The following CADPS variants were observed in gnomAD, a reference collection of about 807,000 sequenced individuals.
The protein encoded by CADPS is calcium-dependent secretion activator 1.
In CADPS, 57 loss-of-function variants were observed where a neutral mutation model predicts 167.3. The observed-to-expected ratio is 0.34, with a 90% CI of 0.28 to 0.42. The LOEUF (loss-of-function observed/expected upper bound fraction) is 0.42. Among genes scored for constraint, CADPS ranks in the 20% least tolerant of loss-of-function variants. The pLI is 1.00. For missense variants in CADPS, 1,414 were observed against 1,738.1 expected, an observed-to-expected ratio of 0.81 and a Z score of 3.32; for synonymous variants, 676 against 635.3, an observed-to-expected ratio of 1.06 and a Z score of -0.96.
intron 17 of CADPS, among the ~76,000 whole-genome samples, chr3:62,504,203 A>T (rs1013414340): frequency 6.6e-6 from 1 of 152,198 alleles, no homozygotes; most frequent in Non-Finnish European, 1.5e-5. Context: ...TTTGGGAAAA[A>T]AATGTGTGTA....
At chr3:62,822,565 G>A (rs1388453154) in intron 1 of CADPS, among the ~76,000 whole-genome samples, 3 of 152,252 alleles carry the variant, frequency 2.0e-5, no homozygotes, top group Admixed American at 2.0e-4. Flanking sequence ...AGGTCAGCCA[G>A]GCATAGTGGC....
rs908193962 is a variant in CADPS, at chr3:62,679,651, G to A, written c.889-17257C>T. ...AGATTGCACTCACCAGCCCAACTAA[G>A]TAAAATGAACTTTGCCTTTCCCCGT... On this transcript the variant is annotated intron_variant, in intron 3 of 29. Transcript: ENST00000383710. 1.1e-4 allele frequency among the ~76,000 whole-genome samples: 16 copies of A among 152,036 alleles called. 1 individual carries two copies. Among genetic ancestry groups the A allele is most frequent in the African/African-American group, 3.9e-4 (16 of 41,382 alleles).
chr3:62,457,263 A>C (rs569123589), intron 26 of CADPS, among the ~76,000 whole-genome samples: 2 of 152,316 alleles, frequency 1.3e-5, no homozygotes, highest in South Asian at 4.1e-4. Context: ...CCCATTTTAC[A>C]GATTAGGCAA....
Position 62,748,344 on chromosome 3 carries a change from C to CAAAAAAAAAAAAAAAAAAAAA in CADPS, c.888+5076_888+5096dup, listed in dbSNP as rs60942307. ...CTGGGCGAGAAGCGAGACTCCGTCT[C>CAAAAAAAAAAAAAAAAAAAAA]AAAAAAAAAAAAAAAAAAAAAAAAA... On this transcript the variant is annotated intron_variant, in intron 3 of 29. Transcript: ENST00000383710. Among the ~76,000 whole-genome samples the CAAAAAAAAAAAAAAAAAAAAA allele has an allele frequency of 3.9e-4, 19 of 48,494 alleles. 2 individuals are homozygous for CAAAAAAAAAAAAAAAAAAAAA. Among genetic ancestry groups the CAAAAAAAAAAAAAAAAAAAAA allele is most frequent in the African/African-American group, 9.6e-4 (11 of 11,486 alleles). 31.8% of individuals were successfully genotyped at this position (48,494 alleles called of 152,430 possible).
intron 3 of CADPS, among the ~76,000 whole-genome samples, chr3:62,704,649 A>G (rs1433456713): frequency 6.6e-6 from 1 of 152,162 alleles, no homozygotes; most frequent in Non-Finnish European, 1.5e-5. Context: ...CATCACTGAC[A>G]AATGCTAGGG....
At chr3:62,618,554 A>T (rs2149429766) in intron 6 of CADPS, among the ~76,000 whole-genome samples, 1 of 152,308 alleles carries the variant, frequency 6.6e-6, no homozygotes, top group South Asian at 2.1e-4. Flanking sequence ...AAACTAGTAA[A>T]GCAGAGCCCC....
In CADPS at chr3:62,711,432, G is replaced by A. The variant is rs1164062853; in HGVS notation, c.888+42009C>T. ...GGTAAAGGTTAGTAAAAATAAAGAT[G>A]CAATTTGATTTTCAGTTGAATTCAT... On this transcript the variant is annotated intron_variant, in intron 3 of 29. Transcript: ENST00000383710. 6.6e-5 allele frequency among the ~76,000 whole-genome samples: 10 copies of A among 152,316 alleles called. 2 individuals are homozygous for A. The South Asian group carries it at 2.1e-3, about 32-fold the overall frequency.
intron 1 of CADPS, among the ~76,000 whole-genome samples, chr3:62,772,065 G>A (rs1028740301): frequency 6.6e-6 from 1 of 151,896 alleles, no homozygotes; most frequent in African/African-American, 2.4e-5. Context: ...AACTAGGTGG[G>A]ATAATATACG....
At chr3:62,638,087 ATATATATG>A (rs111554950) in intron 6 of CADPS, among the ~76,000 whole-genome samples, 105,146 of 137,478 alleles carry the variant, frequency 0.76, 41,462 homozygotes, top group Non-Finnish European at 0.88. Flanking sequence ...TTATATATAT[ATATATATG>A]TATATATATA....
At chr3:62,787,854 C>G (rs569357529) in intron 1 of CADPS, among the ~76,000 whole-genome samples, 53 of 152,278 alleles carry the variant, frequency 3.5e-4, no homozygotes, top group African/African-American at 1.2e-3. Flanking sequence ...GTCTTTGGCA[C>G]ATGGTAAGTA....
intron 3 of CADPS, among the ~76,000 whole-genome samples, chr3:62,723,174 G>A (rs1490927956): frequency 1.3e-5 from 2 of 152,190 alleles, no homozygotes; most frequent in Non-Finnish European, 2.9e-5. Flanking sequence ...TGCTACAAGG[G>A]AAAAGTACAG....
chr3:62,803,531 C>T (rs541739722), intron 1 of CADPS, among the ~76,000 whole-genome samples: 11 of 152,050 alleles, frequency 7.2e-5, no homozygotes, highest in African/African-American at 2.6e-4. Context: ...CGTGATGGCC[C>T]TTGCCCCACG....
chr3:62,741,725 GC>G (rs1315361408), intron 3 of CADPS, among the ~76,000 whole-genome samples: 1 of 152,130 alleles, frequency 6.6e-6, no homozygotes, highest in Non-Finnish European at 1.5e-5. Context: ...AGACAAGGAT[GC>G]CCTCTCTCGC....
At chr3:62,819,522 T>C (rs1326882684) in intron 1 of CADPS, among the ~76,000 whole-genome samples, 2 of 151,286 alleles carry the variant, frequency 1.3e-5, no homozygotes, top group African/African-American at 4.9e-5. Context: ...TGGCCCCCCC[T>C]TCATCCGCTT....
intron 11 of CADPS, among the ~76,000 whole-genome samples, chr3:62,538,186 TGCTTCATCTAGGAG>T (rs1386244556): frequency 1.3e-5 from 2 of 152,148 alleles, no homozygotes; most frequent in Non-Finnish European, 2.9e-5. Context: ...TGAGGTTGGC[TGCTTCATCTAGGAG>T]GCTTCTTTCA....
At chr3:62,840,315 C>A (rs975415525) in intron 1 of CADPS, among the ~76,000 whole-genome samples, 50 of 152,182 alleles carry the variant, frequency 3.3e-4, no homozygotes, top group African/African-American at 1.2e-3. Context: ...ATATACAAAT[C>A]CGACATCATA....
At chr3:62,411,742 C>G (rs1161731897) in intron 28 of CADPS, among the ~76,000 whole-genome samples, 2 of 152,192 alleles carry the variant, frequency 1.3e-5, no homozygotes, top group Non-Finnish European at 2.9e-5. Context: ...AACCCTGGCA[C>G]GTTCAAGCCG....
At chr3:62,516,034 A>G in intron 16 of CADPS, 25 bp downstream of exon 16, 5 of 1,611,808 alleles carry the variant, frequency 3.1e-6, no homozygotes, top group Non-Finnish European at 3.4e-6. Flanking sequence ...TTAAATTCAA[A>G]ACTGGGGGCA....
rs966463531 is a variant in CADPS at position 62,875,128 on chromosome 3, G to A, written c.-99C>T. On this transcript the variant is annotated 5_prime_UTR_variant, in exon 1 of 30. Transcript: ENST00000383710. ...CGGGGATCAGCTCTCCCGGGTGGGC[G>A]CTTCTCCCCAGGTCAGGGAGCGAGA... 243 of 1,329,902 alleles carry A rather than the reference G, an allele frequency of 1.8e-4. No individual in the cohort carries two copies. Among genetic ancestry groups the A allele is most frequent in the Non-Finnish European group, 2.2e-4 (231 of 1,027,700 alleles). The allele number at this position is 1,329,902 out of a possible 1,614,324, so 82.4% of individuals were successfully genotyped here. A position where few individuals can be genotyped will look rare whatever the true frequency, so the allele number is the denominator to read the frequency against.
Sources: gnomAD v4.1 joint callset for allele counts (sites outside exome capture counted in the v4.1 genomes callset) on GRCh38, gnomAD v4.1.1 for gene constraint, MANE v1.5 for transcripts, NCBI Gene and HGNC (gene_info 2026-07-23, HGNC 2026-07-21) for gene names.